LRRK2: variants seen among roughly 807,000 people sequenced by gnomAD.
The protein encoded by LRRK2 is leucine-rich repeat serine/threonine-protein kinase 2.
A neutral mutation model predicts 302.6 loss-of-function variants in LRRK2; 203 were observed. The observed-to-expected ratio is 0.67, with a 90% CI of 0.60 to 0.75. The LOEUF is 0.75. Ranked by LOEUF, LRRK2 falls within the 30% of genes least tolerant of loss-of-function variation. LRRK2 has a pLI of 0.00. For synonymous variants in LRRK2, 1,066 were observed against 1,031.9 expected (o/e 1.03, Z -0.63); for missense variants, 2,830 against 2,951.0 (o/e 0.96, Z 0.95).
intron 21 of LRRK2, among the ~76,000 whole-genome samples, chr12:40,294,194 CATCT>C (rs1013656305): frequency 7.9e-5 from 12 of 151,092 alleles, no homozygotes; most frequent in Admixed American, 2.6e-4. Flanking sequence ...ATCTATCAAT[CATCT>C]ATCTATTTTG....
intron 7 of LRRK2, among the ~76,000 whole-genome samples, chr12:40,245,751 T>C (rs1941951410): frequency 6.6e-6 from 1 of 152,152 alleles, no homozygotes; most frequent in Non-Finnish European, 1.5e-5. Flanking sequence ...TTTTAAATCA[T>C]ATTTTTGAAC....
At chr12:40,322,550 C>A in intron 37 of LRRK2, 40 bp downstream of exon 37, 1 of 1,535,008 alleles carries the variant, frequency 6.5e-7, no homozygotes, top group Non-Finnish European at 9.0e-7. Context: ...TTAAGTGATC[C>A]TTCAATACTT....
intron 21 of LRRK2, 39 bp downstream of exon 21, chr12:40,293,702 G>T: frequency 7.4e-7 from 1 of 1,354,266 alleles, no homozygotes; most frequent in Non-Finnish European, 1.1e-6. Flanking sequence ...GTTGTGTTTT[G>T]CTGCTGACAT....
In LRRK2 at chr12:40,322,214, A is replaced by T. The variant is rs777648525; in HGVS notation, c.5317+33A>T. The T allele has an allele frequency of 1.9e-6, 3 of 1,585,688 alleles. No individual in the cohort carries two copies. The East Asian group carries it at 6.7e-5, about 35-fold the overall frequency. ...AATCAATTTGAATGTTTTCAATTGCAACACTAAAGAAATTTAAACTTAAAA... is the reference window on the plus strand; with the variant it reads ...AATCAATTTGAATGTTTTCAATTGCTACACTAAAGAAATTTAAACTTAAAA... On this transcript the variant is annotated intron_variant, in intron 36 of 50. Coordinates refer to ENST00000298910, the MANE Select transcript of LRRK2 (RefSeq NM_198578.4).
intron 31 of LRRK2, among the ~76,000 whole-genome samples, chr12:40,311,494 AT>A (rs1427286315): frequency 6.6e-6 from 1 of 152,180 alleles, no homozygotes; most frequent in African/African-American, 2.4e-5. Flanking sequence ...GCTTAGCTCA[AT>A]AGCACTAATG....
At chr12:40,319,077 C>T (rs979253601) in intron 33 of LRRK2, among the ~76,000 whole-genome samples, 1 of 152,010 alleles carries the variant, frequency 6.6e-6, no homozygotes, top group Non-Finnish European at 1.5e-5. Flanking sequence ...TTTAAGTATT[C>T]CTTAAACATT....
rs1198240613 is a variant in LRRK2, at chr12:40,369,121, AC to A, written c.*1357del. ...GTATTTTAAAGGAAGCTATGCTTTA[AC>A]TTGTTATGTAATTAACAAAAAAATC... On this transcript the variant is annotated 3_prime_UTR_variant, in exon 51 of 51. Transcript: ENST00000298910. 1 of 151,884 alleles carries A rather than the reference AC, an allele frequency of 6.6e-6. No individual in the cohort carries two copies. The highest frequency in any genetic ancestry group is 2.4e-5 in the African/African-American group (1 of 41,402). 9.4% of individuals were successfully genotyped at this position (151,884 alleles called of 1,614,324 possible).
At chr12:40,312,690 T>A (rs1388008901) in intron 31 of LRRK2, 1 of 152,094 alleles carries the variant, frequency 6.6e-6, no homozygotes, top group Non-Finnish European at 1.5e-5. Context: ...ATACTCCTTT[T>A]AATCTTGTCC....
chr12:40,300,565 T>G (rs746054288), intron 25 of LRRK2, among the ~76,000 whole-genome samples: 12 of 152,164 alleles, frequency 7.9e-5, no homozygotes, highest in Non-Finnish European at 1.5e-4. Flanking sequence ...ATCAAAGCCA[T>G]CTTAATTTGG....
intron 18 of LRRK2, among the ~76,000 whole-genome samples, chr12:40,279,800 G>T (rs1001947973): frequency 1.3e-5 from 2 of 152,110 alleles, no homozygotes; most frequent in Non-Finnish European, 2.9e-5. Context: ...TAAATCCAAG[G>T]ATTATGTATT....
At chr12:40,283,046 A>T (rs1943773448) in intron 18 of LRRK2, among the ~76,000 whole-genome samples, 2 of 125,392 alleles carry the variant, frequency 1.6e-5, no homozygotes, top group African/African-American at 3.2e-5. Context: ...GATTTTTTTA[A>T]AAAAAAGATT....
intron 38 of LRRK2, among the ~76,000 whole-genome samples, chr12:40,325,445 G>A (rs1199450943): frequency 6.6e-6 from 1 of 152,160 alleles, no homozygotes; most frequent in African/African-American, 2.4e-5. Context: ...TCTTTGAGCT[G>A]TTGCCATTTT....
At chr12:40,255,289 T>G (rs1338987666) in intron 11 of LRRK2, among the ~76,000 whole-genome samples, 3 of 152,036 alleles carry the variant, frequency 2.0e-5, no homozygotes, top group Non-Finnish European at 4.4e-5. Context: ...GGAGATGAAG[T>G]TGTGAATAGG....
Position 40,351,694 on chromosome 12 carries a change from C to T in LRRK2, c.6537C>T (p.Leu2179=), listed in dbSNP as rs1404904969. ...GTGGGCACACCGACAGAGGACAGCT[C>T]TCATTTCTTGACTTAAATACTGAAG... ...LGCGHTDRGQ[L]SFLDLNTEGY... The change falls in exon 44 of 51, where the codon CTC becomes CTT. Residue 2179 remains leucine, a synonymous_variant. Coordinates refer to ENST00000298910, the MANE Select transcript of LRRK2 (RefSeq NM_198578.4). 2 of 1,614,152 alleles carry T rather than the reference C, an allele frequency of 1.2e-6. No individual in the cohort carries two copies. The highest frequency in any genetic ancestry group is 2.2e-5 in the South Asian group (2 of 91,076).
chr12:40,353,669 G>A (rs935557785), intron 44 of LRRK2, among the ~76,000 whole-genome samples: 3 of 152,202 alleles, frequency 2.0e-5, no homozygotes, highest in South Asian at 2.1e-4. Context: ...CCAAGATCAC[G>A]CCACTGCACT....
rs200300610 is a variant in LRRK2 at position 40,356,115 on chromosome 12, C to G, written c.6771C>G (p.Ser2257Arg). ...CLYCNSFSKQ[S>R]KQKNFLLVGT... ...ACAATTTCAACATTTTTCCTTTTAG[C>G]AAACAAAAAAATTTTCTTTTGGTTG... Residue 2257 changes from serine to arginine, a missense_variant and splice_region_variant, in exon 46 of 51, where the codon AGC becomes AGG. Transcript: ENST00000298910. 6.2e-7 allele frequency: 1 copy of G among 1,607,950 alleles called. No homozygotes were observed. Among genetic ancestry groups the G allele is most frequent in the Non-Finnish European group, 8.5e-7 (1 of 1,176,354 alleles).
intron 15 of LRRK2, 52 bp downstream of exon 15, chr12:40,274,779 C>G: frequency 6.2e-7 from 1 of 1,610,462 alleles, no homozygotes; most frequent in Non-Finnish European, 8.5e-7. Flanking sequence ...AGGGCATTAG[C>G]TGGTGACTGG....
intron 20 of LRRK2, among the ~76,000 whole-genome samples, chr12:40,287,963 G>T (rs937784648): frequency 6.6e-6 from 1 of 151,600 alleles, no homozygotes; most frequent in African/African-American, 2.4e-5. Flanking sequence ...TAATAAAAAA[G>T]GTTTTTATCT....
intron 14 of LRRK2, among the ~76,000 whole-genome samples, chr12:40,265,230 G>A (rs1942957831): frequency 1.3e-5 from 2 of 152,134 alleles, no homozygotes; most frequent in African/African-American, 2.4e-5. Context: ...ATGGAAGGAA[G>A]GGGTTAGGCA....
Sources: allele counts gnomAD v4.1 joint callset (sites outside exome capture counted in the v4.1 genomes callset), GRCh38; gene constraint gnomAD v4.1.1; transcripts MANE v1.5; gene names NCBI Gene and HGNC (gene_info 2026-07-23, HGNC 2026-07-21).